Variants in ZNF540 observed in about 807,000 individuals in gnomAD.
ZNF540 encodes the protein CTD-3064H18.6.
ZNF540 carries 3 observed loss-of-function variants against 11.8 expected under a neutral mutation model. That is an observed-to-expected ratio of 0.25 (90% CI 0.12 to 0.65). The LOEUF (loss-of-function observed/expected upper bound fraction) is 0.65, where lower values mean the gene tolerates loss of function less well. Ranked by LOEUF, ZNF540 falls within the 30% of genes least tolerant of loss-of-function variation. The pLI is 0.83. For missense variants in ZNF540, 709 were observed against 793.1 expected, an observed-to-expected ratio of 0.89 and a Z score of 1.27; for synonymous variants, 247 against 259.0, an observed-to-expected ratio of 0.95 and a Z score of 0.45.
chr19:37,575,248 C>T (rs899877164), intron 1 of ZNF540, among the ~76,000 whole-genome samples: 1 of 152,100 alleles, frequency 6.6e-6, no homozygotes, highest in African/African-American at 2.4e-5. Context: ...TAATAATGTA[C>T]TAGTACTATT....
chr19:37,575,503 C>G (rs536822783), intron 1 of ZNF540: 1 of 152,166 alleles, frequency 6.6e-6, no homozygotes, highest in South Asian at 2.1e-4. Context: ...AGCTTATTAC[C>G]GCCAACAGGA....
At chr19:37,554,728 T>C (rs1488055087) in intron 1 of ZNF540, 1 of 152,244 alleles carries the variant, frequency 6.6e-6, no homozygotes, top group Non-Finnish European at 1.5e-5. Flanking sequence ...CCAAGACTCT[T>C]TTACAGTGTT....
chr19:37,601,221 G>A (rs2044037344), intron 4 of ZNF540, 116 bp downstream of exon 4: 10 of 754,948 alleles, frequency 1.3e-5, no homozygotes, highest in African/African-American at 3.6e-5. Flanking sequence ...AGAGGCCTCA[G>A]GCCTTTGGAG....
chr19:37,601,499 T>C (rs1451719602), intron 4 of ZNF540, among the ~76,000 whole-genome samples: 1 of 151,870 alleles, frequency 6.6e-6, no homozygotes, highest in East Asian at 1.9e-4. Flanking sequence ...CCAAGTGTTA[T>C]CAGTGCCTTG....
intron 1 of ZNF540, among the ~76,000 whole-genome samples, chr19:37,566,735 T>C (rs2042874374): frequency 6.6e-6 from 1 of 152,208 alleles, no homozygotes; most frequent in African/African-American, 2.4e-5. Context: ...GTTTCTCTGC[T>C]TTCATCCTTG....
At chr19:37,578,150 C>T (rs943744286) in intron 1 of ZNF540, among the ~76,000 whole-genome samples, 8 of 152,304 alleles carry the variant, frequency 5.3e-5, no homozygotes, top group Admixed American at 2.0e-4. Flanking sequence ...CCCTTCCCCT[C>T]TCGCCCCACT....
intron 1 of ZNF540, among the ~76,000 whole-genome samples, chr19:37,561,879 C>T (rs975636809): frequency 6.6e-6 from 1 of 152,162 alleles, no homozygotes; most frequent in African/African-American, 2.4e-5. Context: ...CCAATCTGAA[C>T]AAAATGTACT....
intron 1 of ZNF540, among the ~76,000 whole-genome samples, chr19:37,556,487 T>A (rs2042660904): frequency 6.6e-6 from 1 of 152,090 alleles, no homozygotes; most frequent in Admixed American, 6.5e-5. Flanking sequence ...CCATTGGCGT[T>A]GTGAGGATGA....
At chr19:37,592,374 T>A (rs572836154), upstream of ZNF540, among the ~76,000 whole-genome samples, 2 of 152,312 alleles carry the variant, frequency 1.3e-5, no homozygotes, top group African/African-American at 4.8e-5. Context: ...TAGATACTTT[T>A]CTCTAATAGC....
intron 4 of ZNF540, among the ~76,000 whole-genome samples, chr19:37,604,514 A>G (rs1342051630): frequency 1.3e-5 from 2 of 151,642 alleles, no homozygotes; most frequent in Middle Eastern, 3.4e-3. Context: ...TCACCGTGTT[A>G]GCCAGGATGG....
chr19:37,612,051 A>C lies in ZNF540; in HGVS notation c.771A>C (p.Gln257His). 6.2e-7 allele frequency: 1 copy of C among 1,612,490 alleles called. No individual in the cohort carries two copies. Among genetic ancestry groups the C allele is most frequent in the Non-Finnish European group, 8.5e-7 (1 of 1,179,626 alleles). The change falls in exon 5 of 5, where the codon CAA becomes CAC. Residue 257 changes from glutamine (Q) to histidine (H), a missense_variant. Physicochemically the swap from Gln to His is conservative, Grantham distance 24. Transcript: ENST00000316433. ...ECGKTFTLYP[Q>H]LNRHQKIHTG... ...GGAAGACCTTTACTCTTTACCCACA[A>C]CTTAATCGACATCAGAAAATTCACA...
chr19:37,611,294 T>A (rs984738188), intron 4 of ZNF540: 6 of 326,328 alleles, frequency 1.8e-5, no homozygotes, highest in African/African-American at 1.3e-4. Flanking sequence ...TCCAAAGTGC[T>A]GAGATTACAG....
At chr19:37,565,288 G>T in intron 1 of ZNF540, 1 of 1,608,962 alleles carries the variant, frequency 6.2e-7, no homozygotes, top group Non-Finnish European at 8.5e-7. Context: ...CTCTCAGGTG[G>T]TAAGTAAGTT....
intron 1 of ZNF540, chr19:37,565,435 ACCAGTATGAACT>A: frequency 6.2e-7 from 1 of 1,613,080 alleles, no homozygotes; most frequent in South Asian, 1.1e-5. Context: ...AAGGCTTTTC[ACCAGTATGAACT>A]CTCTGATGGT....
At chr19:37,565,979 T>G in intron 1 of ZNF540, 1 of 1,613,790 alleles carries the variant, frequency 6.2e-7, no homozygotes, top group Non-Finnish European at 8.5e-7. Context: ...GCATGACAGG[T>G]AGCTGAAACC....
At chr19:37,591,086 C>T (rs2043855526), upstream of ZNF540, among the ~76,000 whole-genome samples, 5 of 152,160 alleles carry the variant, frequency 3.3e-5, no homozygotes, top group South Asian at 1.0e-3. Context: ...ATGATTTATA[C>T]TTTAAAAACA....
intron 2 of ZNF540, 52 bp from the exon 3 acceptor site, chr19:37,599,574 T>C: frequency 6.2e-7 from 1 of 1,611,376 alleles, no homozygotes; most frequent in African/African-American, 1.3e-5. Context: ...TTCTTCTTTT[T>C]AAAATACTTG....
chr19:37,566,320 G>C, intron 1 of ZNF540: 1 of 1,561,064 alleles, frequency 6.4e-7, no homozygotes, highest in Non-Finnish European at 8.6e-7. Flanking sequence ...GCAAATTCCT[G>C]CTTTTGTTTA....
intron 4 of ZNF540, among the ~76,000 whole-genome samples, chr19:37,610,232 T>A (rs1376633757): frequency 6.6e-6 from 1 of 152,248 alleles, no homozygotes; most frequent in African/African-American, 2.4e-5. Flanking sequence ...TATACATGAC[T>A]TATCTGTCAT....
Sources: allele counts gnomAD v4.1 joint callset (sites outside exome capture counted in the v4.1 genomes callset), GRCh38; gene constraint gnomAD v4.1.1; transcripts MANE v1.5; gene names NCBI Gene and HGNC (gene_info 2026-07-23, HGNC 2026-07-21).